The following SLC13A1 variants were observed in gnomAD, a reference collection of about 807,000 sequenced individuals.
SLC13A1 encodes solute carrier family 13 member 1.
SLC13A1 carries 65 observed loss-of-function variants against 70.0 expected under a neutral mutation model. That is an observed-to-expected ratio of 0.93 (90% CI 0.76 to 1.14). SLC13A1 has a LOEUF of 1.14. Among genes scored for constraint, SLC13A1 ranks in the 50% most tolerant of loss-of-function variants. The pLI is 0.00. For synonymous variants in SLC13A1, 275 were observed against 250.5 expected (o/e 1.10, Z -0.92); for missense variants, 726 against 717.8 (o/e 1.01, Z -0.13).
intron 1 of SLC13A1, among the ~76,000 whole-genome samples, chr7:123,193,771 G>A (rs1796077152): frequency 6.6e-6 from 1 of 152,034 alleles, no homozygotes; most frequent in African/African-American, 2.4e-5. Context: ...GTCGCTATGA[G>A]GCTCACAGTG....
chr7:123,119,328 C>T, intron 12 of SLC13A1, 86 bp from the exon 13 acceptor site: 2 of 928,962 alleles, frequency 2.2e-6, no homozygotes, highest in Non-Finnish European at 1.6e-6. Context: ...ACATTATTTC[C>T]TTTGAAAACT....
intron 12 of SLC13A1, among the ~76,000 whole-genome samples, chr7:123,120,540 A>G (rs553672415): frequency 6.6e-6 from 1 of 152,132 alleles, no homozygotes; most frequent in East Asian, 1.9e-4. Flanking sequence ...CATGGAAGGG[A>G]AAATCCTCCT....
chr7:123,183,966 C>T (rs1795718571), intron 1 of SLC13A1, among the ~76,000 whole-genome samples: 1 of 151,474 alleles, frequency 6.6e-6, no homozygotes, highest in Admixed American at 6.6e-5. Context: ...TCCTAGGAGT[C>T]CCAGTGGATT....
At chr7:123,159,471 C>G (rs1325672861) in intron 6 of SLC13A1, among the ~76,000 whole-genome samples, 1 of 152,158 alleles carries the variant, frequency 6.6e-6, no homozygotes, top group Non-Finnish European at 1.5e-5. Context: ...AAAGAGAGGT[C>G]TCACTAGAAA....
At chr7:123,198,178 G>T (rs895583460) in intron 1 of SLC13A1, among the ~76,000 whole-genome samples, 3 of 151,986 alleles carry the variant, frequency 2.0e-5, no homozygotes, top group Non-Finnish European at 2.9e-5. Flanking sequence ...ATGTGTCTTA[G>T]ATGAAGTTCT....
At position 123,169,213 on chromosome 7, in the gene SLC13A1, G is replaced by A. The variant is rs369014600; in HGVS notation, c.488C>T (p.Ala163Val). 5.0e-6 allele frequency: 8 copies of A among 1,613,934 alleles called. No individual in the cohort carries two copies. The highest frequency in any genetic ancestry group is 6.8e-6 in the Non-Finnish European group (8 of 1,179,978). Residue 163 changes from alanine to valine, a missense_variant, in exon 4 of 15, where the codon GCA (alanine) becomes GTA (valine). Transcript: ENST00000194130. ...AGTCATCTGAGTGGCCTCGACCTCT[G>A]CTTCTGCATTGATGATCTGCTGCAC... ...AVVQQIINAE[A>V]EVEATQMTYF...
At chr7:123,178,130 T>C (rs1466431715) in intron 2 of SLC13A1, among the ~76,000 whole-genome samples, 1 of 152,066 alleles carries the variant, frequency 6.6e-6, no homozygotes, top group Non-Finnish European at 1.5e-5. Context: ...AATGCTTGTT[T>C]TGAAATATCA....
At chr7:123,150,781 T>C (rs1242724142) in intron 6 of SLC13A1, among the ~76,000 whole-genome samples, 2 of 152,130 alleles carry the variant, frequency 1.3e-5, no homozygotes, top group Admixed American at 6.6e-5. Flanking sequence ...CTGTGATATC[T>C]CACTCTTTGG....
At chr7:123,172,734 C>A (rs546472837) in intron 2 of SLC13A1, among the ~76,000 whole-genome samples, 2 of 152,134 alleles carry the variant, frequency 1.3e-5, no homozygotes, top group Admixed American at 1.3e-4. Flanking sequence ...GAACTTTAAG[C>A]AACCATTTGC....
intron 3 of SLC13A1, among the ~76,000 whole-genome samples, chr7:123,170,852 T>G (rs558888851): frequency 9.9e-5 from 15 of 152,156 alleles, no homozygotes; most frequent in Admixed American, 9.2e-4. Flanking sequence ...GTGCTGGGAC[T>G]ACAGGGATGA....
chr7:123,124,447 G>A (rs774451754), intron 11 of SLC13A1, among the ~76,000 whole-genome samples: 6 of 152,164 alleles, frequency 3.9e-5, no homozygotes, highest in Non-Finnish European at 8.8e-5. Flanking sequence ...ATATGTCCTG[G>A]AAATCTGATA....
chr7:123,178,276 C>T lies in SLC13A1; in HGVS notation c.228+2697G>A, dbSNP rs17145490. Among the ~76,000 whole-genome samples, 1,272 of 152,028 alleles carry T rather than the reference C, an allele frequency of 8.4e-3. 18 individuals carry two copies. Among genetic ancestry groups the T allele is most frequent in the African/African-American group, 0.028 (1,179 of 41,502 alleles). On this transcript the variant is annotated intron_variant, in intron 2 of 14. Coordinates refer to ENST00000194130, the MANE Select transcript of SLC13A1 (RefSeq NM_022444.4). ...CAGTATTTAGGATTGGCTTAATAAA[C>T]AGGTAAAGTTATAACTGTGATGGCC...
rs376213311 is a variant in SLC13A1 at position 123,147,186 on chromosome 7, T to C, written c.785A>G (p.Asn262Ser). Residue 262 changes from asparagine (N) to serine (S), a missense_variant, in exon 7 of 15, where the codon AAC (asparagine) becomes AGC (serine). By Grantham distance (46) the Asn-to-Ser change is conservative (BLOSUM62 1). Transcript: ENST00000194130. ...ATTGAAATACTCTGCAAAGATCAAG[T>C]TGGTGGAGGTACCAGTGATTGTTGT... ...GLTTITGTST[N>S]LIFAEYFNTR... 6.2e-7 allele frequency: 1 copy of C among 1,613,714 alleles called. No individual in the cohort carries two copies. The highest frequency in any genetic ancestry group is 8.5e-7 in the Non-Finnish European group (1 of 1,179,786).
chr7:123,121,071 T>G (rs1425660562), intron 12 of SLC13A1, among the ~76,000 whole-genome samples: 1 of 152,064 alleles, frequency 6.6e-6, no homozygotes, highest in Non-Finnish European at 1.5e-5. Context: ...AAATGCCTGT[T>G]AGTTGACTGT....
intron 7 of SLC13A1, among the ~76,000 whole-genome samples, chr7:123,146,194 T>A (rs1450873062): frequency 6.6e-6 from 1 of 152,132 alleles, no homozygotes; most frequent in African/African-American, 2.4e-5. Flanking sequence ...TATGAAAAAA[T>A]TAAGTCTTGG....
intron 1 of SLC13A1, among the ~76,000 whole-genome samples, chr7:123,189,953 T>C (rs1368794234): frequency 6.6e-6 from 1 of 152,184 alleles, no homozygotes; most frequent in African/African-American, 2.4e-5. Flanking sequence ...GAGAATTCAG[T>C]AATTATTACT....
At chr7:123,117,695 T>A (rs553320404) in intron 13 of SLC13A1, 87 bp from the exon 14 acceptor site, 24 of 737,518 alleles carry the variant, frequency 3.3e-5, no homozygotes, top group Non-Finnish European at 5.2e-5. Context: ...CAATAAGCCT[T>A]CCCAGAAGCA....
chr7:123,178,963 T>C (rs1256467911), intron 2 of SLC13A1, among the ~76,000 whole-genome samples: 2 of 152,070 alleles, frequency 1.3e-5, no homozygotes, highest in East Asian at 1.9e-4. Flanking sequence ...GTACTTACTA[T>C]GTAATGAAAT....
At chr7:123,157,947 C>T (rs1254448439) in intron 6 of SLC13A1, among the ~76,000 whole-genome samples, 2 of 151,898 alleles carry the variant, frequency 1.3e-5, no homozygotes, top group Admixed American at 6.6e-5. Context: ...AAACAATATC[C>T]CCTAAAAATT....
Sources: gnomAD v4.1 joint callset for allele counts (sites outside exome capture counted in the v4.1 genomes callset) on GRCh38, gnomAD v4.1.1 for gene constraint, MANE v1.5 for transcripts, NCBI Gene and HGNC (gene_info 2026-07-23, HGNC 2026-07-21) for gene names.